Variants in ITFG1 observed in about 807,000 individuals in gnomAD.
The protein encoded by ITFG1 is integrin alpha FG-GAP repeat containing 1.
A neutral mutation model predicts 81.8 loss-of-function variants in ITFG1; 34 were observed. The observed-to-expected ratio is 0.42, with a 90% CI of 0.32 to 0.55. The LOEUF (loss-of-function observed/expected upper bound fraction) is 0.55, where lower values mean the gene tolerates loss of function less well. ITFG1 is among the 20% of genes least tolerant of loss of function. ITFG1 has a pLI of 0.17. For missense variants in ITFG1, 672 were observed against 755.4 expected (o/e 0.89, Z 1.29); for synonymous variants, 285 against 270.6 (o/e 1.05, Z -0.52).
At chr16:47,323,371 G>C (rs1003248163) in intron 8 of ITFG1, among the ~76,000 whole-genome samples, 1 of 152,106 alleles carries the variant, frequency 6.6e-6, no homozygotes, top group Non-Finnish European at 1.5e-5. Flanking sequence ...AGAGAGGCCT[G>C]AGCTACCACA....
chr16:47,244,594 TGTG>T (rs1965975940), intron 12 of ITFG1, among the ~76,000 whole-genome samples: 9 of 1,078 alleles, frequency 8.3e-3, no homozygotes, highest in Non-Finnish European at 0.021. Flanking sequence ...CCATCTTTTG[TGTG>T]TGTGTGTGTG....
At chr16:47,348,898 C>T (rs1314359401) in intron 8 of ITFG1, among the ~76,000 whole-genome samples, 1 of 152,146 alleles carries the variant, frequency 6.6e-6, no homozygotes, top group Non-Finnish European at 1.5e-5. Flanking sequence ...AGAGTGGGGG[C>T]CAATATTCAA....
At chr16:47,275,019 C>T (rs946903211) in intron 10 of ITFG1, among the ~76,000 whole-genome samples, 6 of 152,190 alleles carry the variant, frequency 3.9e-5, no homozygotes, top group African/African-American at 1.4e-4. Context: ...ATTTCTAAGA[C>T]TTATGAACAA....
At chr16:47,412,395 T>C (rs1020818114) in intron 6 of ITFG1, among the ~76,000 whole-genome samples, 9 of 152,202 alleles carry the variant, frequency 5.9e-5, no homozygotes, top group Admixed American at 2.6e-4. Flanking sequence ...CATAGTCATT[T>C]TAAGAAAAAA....
chr16:47,429,756 T>G (rs1159840973), intron 5 of ITFG1, among the ~76,000 whole-genome samples: 3 of 152,206 alleles, frequency 2.0e-5, no homozygotes. Flanking sequence ...TATTTTTCCA[T>G]TCTTAAATTG....
In ITFG1 at chr16:47,189,673, A is replaced by G. The variant is rs146018973; in HGVS notation, c.1454-27009T>C. 3.5e-3 allele frequency among the ~76,000 whole-genome samples: 538 copies of G among 152,302 alleles called. 1 individual carries two copies. The highest frequency in any genetic ancestry group is 6.8e-3 in the Middle Eastern group (2 of 294). Reference sequence around the variant, plus strand: ...AATGCTGCTATGGACATTCATGTACAAGTTTTATGTGGACATGTTTTCTGT... The same window carrying G: ...AATGCTGCTATGGACATTCATGTACGAGTTTTATGTGGACATGTTTTCTGT... On this transcript the variant is annotated intron_variant, in intron 14 of 17. Transcript: ENST00000320640.
intron 14 of ITFG1, among the ~76,000 whole-genome samples, chr16:47,205,957 C>T (rs1464119961): frequency 1.3e-5 from 2 of 152,020 alleles, no homozygotes; most frequent in Admixed American, 6.6e-5. Flanking sequence ...CCTCTGCCTC[C>T]TGGGTTCATG....
intron 6 of ITFG1, among the ~76,000 whole-genome samples, chr16:47,384,334 T>C (rs1237922980): frequency 6.6e-6 from 1 of 152,238 alleles, no homozygotes; most frequent in African/African-American, 2.4e-5. Context: ...TAAAAAGATT[T>C]AAACTCATTG....
At chr16:47,410,192 T>C (rs1219052885) in intron 6 of ITFG1, among the ~76,000 whole-genome samples, 3 of 152,194 alleles carry the variant, frequency 2.0e-5, no homozygotes, top group Admixed American at 2.0e-4. Context: ...GGTGGGAGGA[T>C]TACTTGAGCC....
rs114635462 is a variant in ITFG1 at position 47,282,708 on chromosome 16, A to G, written c.1071-22013T>C. Among the ~76,000 whole-genome samples the G allele has an allele frequency of 7.8e-3, 1,182 of 152,200 alleles. 14 individuals are homozygous for G. The highest frequency in any genetic ancestry group is 0.027 in the African/African-American group (1,141 of 41,546). On this transcript the variant is annotated intron_variant, in intron 10 of 17. Transcript: ENST00000320640. ...GAGGTTGTATTAATTTTCATTCCCA[A>G]TGACAGCAAATAAGTGGCCCCTTTT... is the stretch of plus-strand genomic sequence containing the variant.
At chr16:47,276,105 C>T (rs1293316485) in intron 10 of ITFG1, among the ~76,000 whole-genome samples, 1 of 151,930 alleles carries the variant, frequency 6.6e-6, no homozygotes, top group Non-Finnish European at 1.5e-5. Flanking sequence ...ACTTACATAG[C>T]AAGAGATCAT....
intron 5 of ITFG1, chr16:47,448,025 A>G (rs1274220827): frequency 1.3e-5 from 2 of 152,204 alleles, no homozygotes; most frequent in Non-Finnish European, 2.9e-5. Context: ...GAATCTGAAG[A>G]AAATATAAAT....
intron 10 of ITFG1, among the ~76,000 whole-genome samples, chr16:47,266,791 G>A (rs1007974710): frequency 2.0e-5 from 3 of 152,182 alleles, no homozygotes; most frequent in African/African-American, 7.2e-5. Flanking sequence ...TCAAAAGGTA[G>A]AAACTATCCA....
chr16:47,414,147 A>G (rs1391833325), intron 6 of ITFG1, among the ~76,000 whole-genome samples: 1 of 152,206 alleles, frequency 6.6e-6, no homozygotes, highest in Non-Finnish European at 1.5e-5. Flanking sequence ...AAGGTTTAAC[A>G]GAGCAATGCT....
chr16:47,162,742 G>A (rs1412585658), intron 14 of ITFG1, 78 bp from the exon 15 acceptor site: 1 of 1,343,764 alleles, frequency 7.4e-7, no homozygotes, highest in Non-Finnish European at 1.0e-6. Flanking sequence ...ATGATAAAAT[G>A]TTAAAAATTT....
At chr16:47,280,281 C>T (rs534732358) in intron 10 of ITFG1, among the ~76,000 whole-genome samples, 1 of 152,138 alleles carries the variant, frequency 6.6e-6, no homozygotes, top group East Asian at 1.9e-4. Flanking sequence ...AAGTTGATGA[C>T]GTTCCCTTGT....
Position 47,319,697 on chromosome 16 carries a change from A to C in ITFG1, c.803-5874T>G, listed in dbSNP as rs1053784968. On this transcript the variant is annotated intron_variant, in intron 8 of 17. Transcript: ENST00000320640. Reference sequence around the variant, plus strand: ...CCCCTCCTTCATTTTAAAATTGTGAATATATGGTGATGAAGACCACAATGA... The same window carrying C: ...CCCCTCCTTCATTTTAAAATTGTGACTATATGGTGATGAAGACCACAATGA... 8.6e-4 allele frequency among the ~76,000 whole-genome samples: 131 copies of C among 152,236 alleles called. 7 individuals carry two copies. Among genetic ancestry groups the C allele is most frequent in the South Asian group, 1.4e-3 (7 of 4,830 alleles).
Position 47,260,400 on chromosome 16 carries a change from T to C in ITFG1, c.1221+145A>G, listed in dbSNP as rs1966195300. ...GTCAATAGATTTGTTTCATCTGTCA[T>C]TTAACATTAAAAGGGGCTTTCCTTA... On this transcript the variant is annotated intron_variant, in intron 11 of 17. Coordinates refer to ENST00000320640, the MANE Select transcript of ITFG1 (RefSeq NM_030790.5). 2 of 790,184 alleles carry C rather than the reference T, an allele frequency of 2.5e-6. 1 individual carries two copies. Among genetic ancestry groups the C allele is most frequent in the Non-Finnish European group, 4.1e-6 (2 of 488,962 alleles). The allele number at this position is 790,184 out of a possible 1,614,324, so 48.9% of individuals were successfully genotyped here.
chr16:47,283,222 A>G (rs1249295268), intron 10 of ITFG1, among the ~76,000 whole-genome samples: 1 of 152,136 alleles, frequency 6.6e-6, no homozygotes, highest in East Asian at 1.9e-4. Context: ...CAGGTCTTAC[A>G]TTTAAGATTT....
Sources: allele counts gnomAD v4.1 joint callset (sites outside exome capture counted in the v4.1 genomes callset), GRCh38; gene constraint gnomAD v4.1.1; transcripts MANE v1.5; gene names NCBI Gene and HGNC (gene_info 2026-07-23, HGNC 2026-07-21).